Variants in PRKCH observed in about 807,000 individuals in gnomAD.
The protein encoded by PRKCH is protein kinase C eta type.
Under a neutral mutation model 82.5 loss-of-function variants are expected in PRKCH, and 28 were observed. The observed-to-expected ratio is 0.34, with a 90% CI of 0.25 to 0.47. The LOEUF (loss-of-function observed/expected upper bound fraction) is 0.47, where lower values mean the gene tolerates loss of function less well. Ranked by LOEUF, PRKCH falls within the 20% of genes least tolerant of loss-of-function variation. The pLI, the probability that PRKCH is intolerant of heterozygous loss-of-function variation, is 1.00. For synonymous variants in PRKCH, 322 were observed against 327.4 expected (o/e 0.98, Z 0.18); for missense variants, 705 against 881.8 (o/e 0.80, Z 2.54).
In PRKCH at chr14:61,376,350, G is replaced by C. The variant is rs535015642; in HGVS notation, c.364-14875G>C. ...TCCTTGAGGGTCAGTCAGCTGTCTT[G>C]TGGTTCAGTTATTCCTGTGTGGATG... On this transcript the variant is annotated intron_variant, in intron 1 of 13. Transcript: ENST00000332981. Among the ~76,000 whole-genome samples the C allele has an allele frequency of 2.0e-5, 3 of 152,208 alleles. No homozygotes were observed. The South Asian group carries it at 6.2e-4, about 32-fold the overall frequency.
chr14:61,231,695 G>A (rs959694639), intron 1 of PRKCH, among the ~76,000 whole-genome samples: 3 of 151,932 alleles, frequency 2.0e-5, no homozygotes, highest in South Asian at 2.1e-4. Context: ...TCTTATTCCC[G>A]AAACTTGGCA....
At chr14:61,532,314 T>C (rs1020615895) in intron 12 of PRKCH, among the ~76,000 whole-genome samples, 1 of 152,152 alleles carries the variant, frequency 6.6e-6, no homozygotes, top group African/African-American at 2.4e-5. Context: ...CCATGAAGGG[T>C]AGGAAATAAA....
intron 1 of PRKCH, among the ~76,000 whole-genome samples, chr14:61,244,145 G>C (rs571659450): frequency 4.3e-4 from 66 of 152,144 alleles, no homozygotes; most frequent in Non-Finnish European, 8.8e-4. Context: ...GTTGAGGCAT[G>C]AGACCGCCAC....
intron 6 of PRKCH, among the ~76,000 whole-genome samples, chr14:61,452,456 C>T (rs1012814810): frequency 3.9e-5 from 6 of 152,192 alleles, no homozygotes; most frequent in Non-Finnish European, 5.9e-5. Context: ...CAGCAGGGCC[C>T]ATGTCAAAAA....
chr14:61,299,795 C>A (rs917278016), intron 1 of PRKCH: 3 of 152,288 alleles, frequency 2.0e-5, no homozygotes, highest in Admixed American at 6.5e-5. Context: ...TTTTTGAATA[C>A]ACCCTCCCAA....
intron 10 of PRKCH, among the ~76,000 whole-genome samples, chr14:61,505,776 G>A (rs1887122677): frequency 6.6e-6 from 1 of 152,084 alleles, no homozygotes; most frequent in African/African-American, 2.4e-5. Flanking sequence ...CACATTGAAG[G>A]TTAAGTTTCA....
intron 1 of PRKCH, among the ~76,000 whole-genome samples, chr14:61,265,509 A>C (rs1417242278): frequency 6.6e-6 from 1 of 152,156 alleles, no homozygotes; most frequent in African/African-American, 2.4e-5. Flanking sequence ...CCCTCACTTT[A>C]CAGAGGAGAC....
intron 1 of PRKCH, among the ~76,000 whole-genome samples, chr14:61,343,337 A>AT (rs2045951071): frequency 6.9e-6 from 1 of 145,606 alleles, no homozygotes; most frequent in Admixed American, 7.1e-5. Context: ...TAGAGAAATA[A>AT]TGACCAGTTC....
chr14:61,328,516 G>A (rs1304212983), intron 1 of PRKCH, among the ~76,000 whole-genome samples: 2 of 149,788 alleles, frequency 1.3e-5, no homozygotes, highest in African/African-American at 4.9e-5. Context: ...TGAGGTTGGT[G>A]GGTGGAACGT....
intron 1 of PRKCH, among the ~76,000 whole-genome samples, chr14:61,237,959 C>A (rs2044804749): frequency 6.6e-6 from 1 of 152,230 alleles, no homozygotes; most frequent in Non-Finnish European, 1.5e-5. Flanking sequence ...TTGGTTACAG[C>A]TTGGCACTTG....
chr14:61,261,556 A>G (rs1397113276), intron 1 of PRKCH, among the ~76,000 whole-genome samples: 1 of 152,208 alleles, frequency 6.6e-6, no homozygotes, highest in African/African-American at 2.4e-5. Context: ...ATTCTTAAAT[A>G]TGATTTATTT....
intron 1 of PRKCH, among the ~76,000 whole-genome samples, chr14:61,190,609 G>C (rs759805613): frequency 6.6e-6 from 1 of 152,120 alleles, no homozygotes; most frequent in Non-Finnish European, 1.5e-5. Context: ...TCTCCAAGAC[G>C]AAGGCTTGCC....
intron 10 of PRKCH, among the ~76,000 whole-genome samples, chr14:61,510,986 G>A (rs1001507483): frequency 6.6e-6 from 1 of 152,142 alleles, no homozygotes; most frequent in African/African-American, 2.4e-5. Flanking sequence ...ATAAGGGAGG[G>A]TGGAGGAGGA....
chr14:61,276,348 CTT>C (rs369236321), intron 1 of PRKCH, among the ~76,000 whole-genome samples: 16 of 144,538 alleles, frequency 1.1e-4, no homozygotes, highest in South Asian at 8.9e-4. Flanking sequence ...AGAAGAGGGA[CTT>C]TTTTTTTTTT....
At chr14:61,479,832 C>G (rs1205697758) in intron 9 of PRKCH, among the ~76,000 whole-genome samples, 1 of 152,188 alleles carries the variant, frequency 6.6e-6, no homozygotes, top group African/African-American at 2.4e-5. Context: ...TCTATTATCA[C>G]CAGGCAGCAG....
chr14:61,496,960 C>T lies in PRKCH; in HGVS notation c.1433+11304C>T, dbSNP rs145009287. On this transcript the variant is annotated intron_variant, in intron 10 of 13. Transcript: ENST00000332981. ...ATTGATTGTCTTATTCTGGCCCAAACCCATGATTTTCTCATAACTCAAAGC... is the reference window on the plus strand; with the variant it reads ...ATTGATTGTCTTATTCTGGCCCAAATCCATGATTTTCTCATAACTCAAAGC... Among the ~76,000 whole-genome samples the T allele has an allele frequency of 6.3e-4, 96 of 151,950 alleles. 1 individual carries two copies. The highest frequency in any genetic ancestry group is 2.1e-3 in the African/African-American group (86 of 41,222).
chr14:61,432,202 C>T (rs1418488649), intron 2 of PRKCH, among the ~76,000 whole-genome samples: 1 of 152,084 alleles, frequency 6.6e-6, no homozygotes, highest in Non-Finnish European at 1.5e-5. Flanking sequence ...AGTCACTTTC[C>T]TCCTGGCTTA....
At chr14:61,391,369 T>TA in intron 2 of PRKCH, 81 bp downstream of exon 2, 1 of 1,224,052 alleles carries the variant, frequency 8.2e-7, no homozygotes, top group South Asian at 1.5e-5. Context: ...ATGGACATTA[T>TA]AAAAAAGAGC....
chr14:61,335,538 G>T, intron 1 of PRKCH, among the ~76,000 whole-genome samples: 1 of 151,506 alleles, frequency 6.6e-6, no homozygotes, highest in South Asian at 2.1e-4. Context: ...AATCATAAAG[G>T]AAATAAAACC....
Sources: allele counts gnomAD v4.1 joint callset (sites outside exome capture counted in the v4.1 genomes callset), GRCh38; gene constraint gnomAD v4.1.1; transcripts MANE v1.5; gene names NCBI Gene and HGNC (gene_info 2026-07-23, HGNC 2026-07-21).